MACROD2: variants seen among roughly 807,000 people sequenced by gnomAD.
MACROD2 encodes ADP-ribose glycohydrolase MACROD2.
In MACROD2, 36 loss-of-function variants were observed where a neutral mutation model predicts 70.4. That is an observed-to-expected ratio of 0.51 (90% confidence interval 0.39 to 0.68). MACROD2 has a LOEUF of 0.68. Among genes scored for constraint, MACROD2 ranks in the 30% least tolerant of loss-of-function variants. MACROD2 has a pLI of 0.00. For synonymous variants in MACROD2, 172 were observed against 178.8 expected, an observed-to-expected ratio of 0.96 and a Z score of 0.30; for missense variants, 496 against 538.4, an observed-to-expected ratio of 0.92 and a Z score of 0.78.
At chr20:15,061,536 A>T (rs911864899) in intron 5 of MACROD2, among the ~76,000 whole-genome samples, 14 of 152,058 alleles carry the variant, frequency 9.2e-5, no homozygotes, top group African/African-American at 2.9e-4. Flanking sequence ...TCCCGTGCTG[A>T]TATTTCCTGG....
At chr20:15,506,730 C>A (rs1184398944) in intron 8 of MACROD2, among the ~76,000 whole-genome samples, 1 of 152,170 alleles carries the variant, frequency 6.6e-6, no homozygotes, top group African/African-American at 2.4e-5. Context: ...GAAACAAGCT[C>A]CAAATTCCTG....
intron 15 of MACROD2, among the ~76,000 whole-genome samples, chr20:16,033,654 A>G (rs1040055863): frequency 6.6e-6 from 1 of 152,114 alleles, no homozygotes; most frequent in African/African-American, 2.4e-5. Flanking sequence ...AACTCCCTCT[A>G]CAAGTGACAA....
intron 3 of MACROD2, among the ~76,000 whole-genome samples, chr20:14,465,626 T>A (rs1262009834): frequency 3.9e-5 from 6 of 152,098 alleles, no homozygotes; most frequent in Non-Finnish European, 8.8e-5. Context: ...TTCTTCCTAG[T>A]GTTGATGGTC....
intron 3 of MACROD2, among the ~76,000 whole-genome samples, chr20:14,332,885 C>A (rs926459265): frequency 1.3e-5 from 2 of 151,978 alleles, no homozygotes; most frequent in Non-Finnish European, 2.9e-5. Flanking sequence ...AAAAGCTCAA[C>A]CTGTGAATGC....
chr20:14,851,913 G>T (rs1336673225), intron 5 of MACROD2, among the ~76,000 whole-genome samples: 1 of 152,180 alleles, frequency 6.6e-6, no homozygotes, highest in Non-Finnish European at 1.5e-5. Flanking sequence ...ATGCTAGGGA[G>T]AAGCCAGTAA....
At chr20:14,566,163 A>G (rs574637343) in intron 4 of MACROD2, among the ~76,000 whole-genome samples, 2 of 152,166 alleles carry the variant, frequency 1.3e-5, no homozygotes, top group African/African-American at 4.8e-5. Flanking sequence ...GAGTTCCTAC[A>G]AAAGGAAAAT....
At chr20:14,389,477 G>A (rs965820568) in intron 3 of MACROD2, among the ~76,000 whole-genome samples, 1 of 150,786 alleles carries the variant, frequency 6.6e-6, no homozygotes, top group African/African-American at 2.4e-5. Flanking sequence ...AGGCCGGAGT[G>A]CAGTGGCATG....
At chr20:15,706,481 G>C (rs1010587243) in intron 8 of MACROD2, among the ~76,000 whole-genome samples, 1 of 152,168 alleles carries the variant, frequency 6.6e-6, no homozygotes, top group Admixed American at 6.5e-5. Context: ...CTCTATAGGA[G>C]AATTTTCAAG....
intron 3 of MACROD2, among the ~76,000 whole-genome samples, chr20:14,469,069 T>C (rs1345683131): frequency 6.6e-6 from 1 of 152,046 alleles, no homozygotes. Flanking sequence ...CTGGTATCGG[T>C]TTTTTCTTTC....
intron 6 of MACROD2, among the ~76,000 whole-genome samples, chr20:15,290,659 G>A (rs543487022): frequency 1.9e-4 from 29 of 152,298 alleles, no homozygotes; most frequent in African/African-American, 7.0e-4. Flanking sequence ...AATCACAACA[G>A]GTTCATTTAT....
Position 14,410,458 on chromosome 20 carries a change from A to G in MACROD2, c.272-83021A>G, listed in dbSNP as rs555423972. On this transcript the variant is annotated intron_variant, in intron 3 of 17. Coordinates refer to ENST00000684519, the MANE Select transcript of MACROD2 (RefSeq NM_001351661.2). ...TGTACTCAATGTTTAGCTCCCACTC[A>G]TCAGTGACAACATGCAGTATTTAGT... Among the ~76,000 whole-genome samples the G allele has an allele frequency of 1.1e-3, 171 of 152,162 alleles. 1 individual carries two copies. Among genetic ancestry groups the G allele is most frequent in the Non-Finnish European group, 1.8e-3 (120 of 68,004 alleles).
chr20:16,009,627 G>A (rs2066835058), intron 15 of MACROD2, among the ~76,000 whole-genome samples: 2 of 152,040 alleles, frequency 1.3e-5, no homozygotes, highest in Admixed American at 6.6e-5. Flanking sequence ...CATGGTGGCG[G>A]GCACCTGTAA....
intron 7 of MACROD2, among the ~76,000 whole-genome samples, chr20:15,450,359 T>C (rs2046623821): frequency 6.6e-6 from 1 of 151,984 alleles, no homozygotes; most frequent in African/African-American, 2.4e-5. Context: ...TAAAGAAACA[T>C]ATAAGTACTG....
intron 3 of MACROD2, among the ~76,000 whole-genome samples, chr20:14,317,780 G>A (rs752000382): frequency 3.9e-5 from 6 of 152,062 alleles, no homozygotes; most frequent in African/African-American, 7.2e-5. Context: ...ATGACCTTTC[G>A]AAGTCTTAAT....
chr20:14,257,500 G>C lies in MACROD2; in HGVS notation c.271+171772G>C, dbSNP rs1054061111. Among the ~76,000 whole-genome samples the C allele has an allele frequency of 2.0e-5, 3 of 151,966 alleles. No homozygotes were observed. The East Asian group carries it at 5.8e-4, about 29-fold the overall frequency. ...AAAAAGTATAGTATAGCTTTATGTTGTATGAAAACTCTAAAAGGGAATTTT... is the reference window on the plus strand; with the variant it reads ...AAAAAGTATAGTATAGCTTTATGTTCTATGAAAACTCTAAAAGGGAATTTT... On this transcript the variant is annotated intron_variant, in intron 3 of 17. Transcript: ENST00000684519.
intron 3 of MACROD2, among the ~76,000 whole-genome samples, chr20:14,187,825 C>T (rs2081357213): frequency 6.6e-6 from 1 of 152,126 alleles, no homozygotes; most frequent in Non-Finnish European, 1.5e-5. Context: ...TGCTTTGAAT[C>T]TGAGGTCTGT....
chr20:14,838,229 A>C (rs1284884187), intron 5 of MACROD2, among the ~76,000 whole-genome samples: 1 of 152,136 alleles, frequency 6.6e-6, no homozygotes, highest in Non-Finnish European at 1.5e-5. Context: ...GATGTTGCAA[A>C]TCAGCTACTA....
intron 8 of MACROD2, among the ~76,000 whole-genome samples, chr20:15,743,659 T>C (rs1056284316): frequency 1.3e-5 from 2 of 152,098 alleles, no homozygotes; most frequent in Non-Finnish European, 2.9e-5. Context: ...TCTACACATA[T>C]CTTTTCCTTT....
At chr20:14,070,146 A>G (rs1016816019) in intron 2 of MACROD2, among the ~76,000 whole-genome samples, 2 of 152,210 alleles carry the variant, frequency 1.3e-5, no homozygotes, top group Non-Finnish European at 2.9e-5. Flanking sequence ...TTTGCACAGC[A>G]AAAGCTTAGG....
Sources: allele counts gnomAD v4.1 joint callset (sites outside exome capture counted in the v4.1 genomes callset), GRCh38; gene constraint gnomAD v4.1.1; transcripts MANE v1.5; gene names NCBI Gene and HGNC (gene_info 2026-07-23, HGNC 2026-07-21).